Variants in DGCR2 observed in about 807,000 individuals in gnomAD.
DGCR2 encodes the protein DiGeorge syndrome critical region gene 2, also known as integral membrane protein DGCR2/IDD.
DGCR2 carries 24 observed loss-of-function variants against 51.6 expected under a neutral mutation model. The ratio of observed to expected loss-of-function variants is 0.47; its 90% CI spans 0.34 to 0.65. The LOEUF (loss-of-function observed/expected upper bound fraction) is 0.65, where lower values mean the gene tolerates loss of function less well. DGCR2 is among the 30% of genes least tolerant of loss of function. The pLI, the probability that DGCR2 is intolerant of heterozygous loss-of-function variation, is 0.01. For missense variants in DGCR2, 765 were observed against 772.1 expected, an observed-to-expected ratio of 0.99 and a Z score of 0.11; for synonymous variants, 340 against 315.4, an observed-to-expected ratio of 1.08 and a Z score of -0.82.
In DGCR2 at chr22:19,068,325, G is replaced by A. The variant is rs575099041; in HGVS notation, c.203-100C>T. 181 of 1,354,084 alleles carry A rather than the reference G, an allele frequency of 1.3e-4. No individual in the cohort carries two copies. In the South Asian group the frequency reaches 2.9e-3, roughly 22 times the overall value. 83.9% of individuals were successfully genotyped at this position (1,354,084 alleles called of 1,614,324 possible). A position where few individuals can be genotyped will look rare whatever the true frequency, so the allele number is the denominator to read the frequency against. ...CCACTCAGGGCTGCAAGGCCGGAGG[G>A]GGGGCCTGTAGCACAGAGTCCGGCA... On this transcript the variant is annotated intron_variant, in intron 2 of 9. Transcript: ENST00000263196.
intron 7 of DGCR2, among the ~76,000 whole-genome samples, chr22:19,042,909 CCT>C (rs1286062213): frequency 6.6e-6 from 1 of 152,170 alleles, no homozygotes; most frequent in Non-Finnish European, 1.5e-5. Context: ...ATGCGCATCC[CCT>C]GACGCACCCA....
intron 6 of DGCR2, among the ~76,000 whole-genome samples, chr22:19,049,837 A>G (rs974285779): frequency 1.3e-5 from 2 of 152,062 alleles, no homozygotes; most frequent in Non-Finnish European, 2.9e-5. Context: ...AAAAAAAAAA[A>G]AAAAAAAAGA....
intron 2 of DGCR2, among the ~76,000 whole-genome samples, chr22:19,077,532 T>A (rs931852284): frequency 6.6e-6 from 1 of 152,232 alleles, no homozygotes; most frequent in African/African-American, 2.4e-5. Flanking sequence ...TGTATTCTAT[T>A]CCATTGGTCT....
intron 2 of DGCR2, among the ~76,000 whole-genome samples, chr22:19,072,454 C>T (rs1031964202): frequency 6.6e-6 from 1 of 152,260 alleles, no homozygotes; most frequent in East Asian, 1.9e-4. Context: ...GAGACCCAAA[C>T]CACAGAGGAA....
chr22:19,097,689 T>C (rs10483100), intron 1 of DGCR2, among the ~76,000 whole-genome samples: 24,555 of 152,182 alleles, frequency 0.16, 2,211 homozygotes, highest in South Asian at 0.28. Context: ...CCATACTCTA[T>C]GCATGTCTGG....
intron 1 of DGCR2, among the ~76,000 whole-genome samples, chr22:19,104,595 G>A (rs1019371750): frequency 2.6e-5 from 4 of 152,146 alleles, no homozygotes; most frequent in East Asian, 1.9e-4. Context: ...CCATCTGCTC[G>A]CACTACTCAC....
rs975966424 is a variant in DGCR2 at position 19,112,378 on chromosome 22, G to A, written c.79+9750C>T. Among the ~76,000 whole-genome samples the A allele has an allele frequency of 1.1e-4, 17 of 151,852 alleles. No homozygotes were observed. The East Asian group carries it at 1.9e-3, about 17-fold the overall frequency. On this transcript the variant is annotated intron_variant, in intron 1 of 9. Transcript: ENST00000263196. The stretch of plus-strand genomic sequence containing the variant: ...AAGAGGGGCTTGTTATAAATACTGA[G>A]GTTACAGTAAATACCACTCTCAATA...
chr22:19,074,376 C>T (rs1160611852), intron 2 of DGCR2, among the ~76,000 whole-genome samples: 13 of 149,736 alleles, frequency 8.7e-5, no homozygotes, highest in Admixed American at 2.0e-4. Flanking sequence ...GCCGAGATCG[C>T]GCCACTCCAC....
chr22:19,122,365 A>G lies in DGCR2; in HGVS notation c.-159T>C, dbSNP rs2083445269. On this transcript the variant is annotated 5_prime_UTR_variant, in exon 1 of 10. Transcript: ENST00000263196. ...CTTCGGCTGGGCCGCGGGCTGGCGC[A>G]CACTCTCGGCTGCAACCTCAGGCAC... 3 of 527,630 alleles carry G rather than the reference A, an allele frequency of 5.7e-6. No individual in the cohort carries two copies. Among genetic ancestry groups the G allele is most frequent in the Non-Finnish European group, 9.5e-6 (3 of 316,364 alleles). The allele number at this position is 527,630 out of a possible 1,614,324, so 32.7% of individuals were successfully genotyped here. A position where few individuals can be genotyped will look rare whatever the true frequency, so the allele number is the denominator to read the frequency against.
rs1167876893 is a variant in DGCR2 at position 19,041,930 on chromosome 22, T to C, written c.1036A>G (p.Ser346Gly). 1.2e-6 allele frequency: 2 copies of C among 1,613,262 alleles called. No homozygotes were observed. The highest frequency in any genetic ancestry group is 1.7e-6 in the Non-Finnish European group (2 of 1,179,852). ...DGNSLFDSMA[S>G]GMRLVVSCIS... ...CAGCTGACGACCAGGCGCATCCCGCTGGCCATGGAGTCAAACAGACTGTTG... is the reference window on the plus strand; with the variant it reads ...CAGCTGACGACCAGGCGCATCCCGCCGGCCATGGAGTCAAACAGACTGTTG... The change falls in exon 8 of 10, where the codon AGC becomes GGC. Residue 346 changes from serine to glycine, a missense_variant. By Grantham distance (56) the Ser-to-Gly change is moderately conservative. Around this residue, in one of 3 missense-constraint regions of DGCR2, gnomAD observed 190 missense variants for 265.2 expected, o/e 0.72. Coordinates refer to ENST00000263196, the MANE Select transcript of DGCR2 (RefSeq NM_005137.3).
chr22:19,041,331 A>C, intron 8 of DGCR2, 37 bp from the exon 9 acceptor site: 1 of 1,598,452 alleles, frequency 6.3e-7, no homozygotes, highest in Non-Finnish European at 8.6e-7. Flanking sequence ...AACAGAGACA[A>C]GTCACTGGGG....
intron 6 of DGCR2, among the ~76,000 whole-genome samples, chr22:19,052,108 A>G (rs2082554514): frequency 6.6e-6 from 1 of 152,216 alleles, no homozygotes; most frequent in South Asian, 2.1e-4. Flanking sequence ...CTGGGCATCT[A>G]TCACACAGAA....
intron 1 of DGCR2, among the ~76,000 whole-genome samples, chr22:19,119,472 A>C (rs1181252780): frequency 6.6e-6 from 1 of 152,220 alleles, no homozygotes; most frequent in Non-Finnish European, 1.5e-5. Context: ...ATGGTACCTC[A>C]GGCCTGTAAT....
chr22:19,047,547 A>G (rs2082503232), intron 7 of DGCR2: 1 of 152,150 alleles, frequency 6.6e-6, no homozygotes, highest in Non-Finnish European at 1.5e-5. Context: ...TTTGATTTAC[A>G]TTTCTCTTGA....
At chr22:19,087,923 G>A (rs138157995) in intron 2 of DGCR2, among the ~76,000 whole-genome samples, 174 of 152,162 alleles carry the variant, frequency 1.1e-3, no homozygotes, top group Middle Eastern at 0.01. Flanking sequence ...GGCCTAAAGC[G>A]ATCCACCCAC....
At chr22:19,111,689 C>T (rs1346384602) in intron 1 of DGCR2, among the ~76,000 whole-genome samples, 1 of 152,132 alleles carries the variant, frequency 6.6e-6, no homozygotes, top group Non-Finnish European at 1.5e-5. Flanking sequence ...CCACTGCATA[C>T]CCAAAGACTA....
intron 2 of DGCR2, among the ~76,000 whole-genome samples, chr22:19,078,530 A>T (rs567575856): frequency 6.6e-6 from 1 of 152,310 alleles, no homozygotes; most frequent in South Asian, 2.1e-4. Context: ...GGATAACTTT[A>T]CTTCTCCCTT....
At position 19,048,514 on chromosome 22, in the gene DGCR2, C is replaced by T. The variant is rs768115424; in HGVS notation, c.932G>A (p.Cys311Tyr). The change falls in exon 7 of 10, where the codon TGT (cysteine) becomes TAT (tyrosine). Residue 311 changes from cysteine to tyrosine, a missense_variant. This residue lies in a region of DGCR2 where 190 missense variants were observed against 265.2 expected (regional missense o/e 0.72). Transcript: ENST00000263196. Reference sequence around the variant, plus strand: ...CTGTTGGCAGCCCTGGGGCCTCTCACAGAGAGCAGCCACACACATCTCAGG... The same window carrying T: ...CTGTTGGCAGCCCTGGGGCCTCTCATAGAGAGCAGCCACACACATCTCAGG... Reference protein sequence around the residue: ...GEPEMCVAALCERPQGCQQYR... With the variant: ...GEPEMCVAALYERPQGCQQYR... The T allele has an allele frequency of 2.6e-5, 42 of 1,614,102 alleles. No individual in the cohort carries two copies.
At chr22:19,088,104 C>T (rs568067150) in intron 2 of DGCR2, among the ~76,000 whole-genome samples, 1 of 152,322 alleles carries the variant, frequency 6.6e-6, no homozygotes, top group African/African-American at 2.4e-5. Flanking sequence ...ACCTAATACC[C>T]TGGTTGGAAT....
Sources: allele counts gnomAD v4.1 joint callset (sites outside exome capture counted in the v4.1 genomes callset), GRCh38; gene constraint gnomAD v4.1.1; regional missense constraint gnomAD v4.1.1; transcripts MANE v1.5; gene names NCBI Gene and HGNC (gene_info 2026-07-23, HGNC 2026-07-21).